NKIRAS1: variants seen among roughly 807,000 people sequenced by gnomAD.
NKIRAS1 encodes the protein NFKB inhibitor interacting Ras like 1, also known as NF-kappa-B inhibitor-interacting Ras-like protein 1.
In NKIRAS1, 16 loss-of-function variants were observed where a neutral mutation model predicts 19.8. The ratio of observed to expected loss-of-function variants is 0.81; its 90% confidence interval spans 0.55 to 1.23. NKIRAS1 has a LOEUF of 1.23. Among genes scored for constraint, NKIRAS1 ranks in the 50% most tolerant of loss-of-function variants. The pLI is 0.00. For synonymous variants in NKIRAS1, 88 were observed against 79.0 expected (o/e 1.11, Z -0.61); for missense variants, 184 against 220.0 (o/e 0.84, Z 1.04).
chr3:23,896,671 GA>G (rs564759330), intron 4 of NKIRAS1, among the ~76,000 whole-genome samples: 2,229 of 146,940 alleles, frequency 0.015, 27 homozygotes, highest in South Asian at 0.048. Context: ...TAGTTACCAA[GA>G]AAAAAAAACA....
chr3:23,946,088 T>C, intron 1 of NKIRAS1: 1 of 984,280 alleles, frequency 1.0e-6, no homozygotes, highest in Non-Finnish European at 1.2e-6. Flanking sequence ...TCCGCCCCTT[T>C]GGAAGCCTCG....
chr3:23,925,573 G>GCT (rs954720209), intron 1 of NKIRAS1, among the ~76,000 whole-genome samples: 1 of 152,136 alleles, frequency 6.6e-6, no homozygotes, highest in African/African-American at 2.4e-5. Flanking sequence ...AGTTGAAGCT[G>GCT]CGGTGAGCCA....
chr3:23,910,209 G>A (rs920531429), intron 3 of NKIRAS1, among the ~76,000 whole-genome samples: 6 of 144,934 alleles, frequency 4.1e-5, no homozygotes, highest in Non-Finnish European at 7.4e-5. Context: ...CCAGGCTGGA[G>A]TGTAGTAACA....
At chr3:23,929,483 G>C (rs907138502) in intron 1 of NKIRAS1, among the ~76,000 whole-genome samples, 1 of 152,192 alleles carries the variant, frequency 6.6e-6, no homozygotes, top group African/African-American at 2.4e-5. Context: ...CTGGAGAGCA[G>C]TGGCGTGATC....
At chr3:23,942,577 A>G (rs1705521688) in intron 1 of NKIRAS1, among the ~76,000 whole-genome samples, 2 of 151,936 alleles carry the variant, frequency 1.3e-5, no homozygotes, top group African/African-American at 4.8e-5. Context: ...GATTACAGGC[A>G]TGTGCCACCA....
chr3:23,931,151 G>A (rs1255272572), intron 1 of NKIRAS1, among the ~76,000 whole-genome samples: 1 of 152,086 alleles, frequency 6.6e-6, no homozygotes, highest in African/African-American at 2.4e-5. Context: ...CTCTAATACC[G>A]TAAACAGTGT....
At chr3:23,896,217 G>GCCTTAAAAC (rs1378414878) in intron 4 of NKIRAS1, among the ~76,000 whole-genome samples, 2 of 150,238 alleles carry the variant, frequency 1.3e-5, no homozygotes, top group Non-Finnish European at 3.0e-5. Context: ...CATTTGCTCT[G>GCCTTAAAAC]CCTTAAAACC....
At chr3:23,920,577 T>C, upstream of NKIRAS1, 3 of 985,294 alleles carry the variant, frequency 3.0e-6, no homozygotes, top group Non-Finnish European at 3.6e-6. Flanking sequence ...AATTTGAGTG[T>C]AAAGAAAATG....
rs1701556434 is a variant in NKIRAS1, at chr3:23,892,669, T to TA, written c.*425dup. On this transcript the variant is annotated 3_prime_UTR_variant, in exon 5 of 5. Coordinates refer to ENST00000425478, the MANE Select transcript of NKIRAS1 (RefSeq NM_020345.4). ...AAAAATGTTTTATAATCCTAGACATTAGATTAATGAACTTTTTAAAAACAA... is the reference window on the plus strand; with the variant it reads ...AAAAATGTTTTATAATCCTAGACATTAAGATTAATGAACTTTTTAAAAACAA... 6.5e-6 allele frequency: 1 copy of TA among 152,864 alleles called. No homozygotes were observed. Among genetic ancestry groups the TA allele is most frequent in the Non-Finnish European group, 1.5e-5 (1 of 68,556 alleles). The allele number at this position is 152,864 out of a possible 1,614,324, so 9.5% of individuals were successfully genotyped here.
At chr3:23,928,999 T>TA (rs539612913) in intron 1 of NKIRAS1, among the ~76,000 whole-genome samples, 3,157 of 122,492 alleles carry the variant, frequency 0.026, 130 homozygotes, top group African/African-American at 0.083. Flanking sequence ...TCCATCTCTT[T>TA]AAAAAAAAAA....
At chr3:23,929,012 A>AG (rs1259478386) in intron 1 of NKIRAS1, among the ~76,000 whole-genome samples, 1 of 88,306 alleles carries the variant, frequency 1.1e-5, no homozygotes, top group African/African-American at 3.4e-5. Context: ...AAAAAAAAAA[A>AG]AGAAAAGAAA....
intron 1 of NKIRAS1, among the ~76,000 whole-genome samples, chr3:23,945,833 C>CA (rs1259836693): frequency 6.6e-6 from 1 of 150,778 alleles, no homozygotes; most frequent in East Asian, 2.0e-4. Context: ...CGGCCCCCCC[C>CA]TCACATGGCC....
intron 1 of NKIRAS1, among the ~76,000 whole-genome samples, chr3:23,928,786 G>A (rs1469926877): frequency 1.3e-5 from 2 of 150,900 alleles, no homozygotes; most frequent in African/African-American, 4.9e-5. Context: ...GAGCTCAGGA[G>A]TACAAGACCT....
intron 1 of NKIRAS1, among the ~76,000 whole-genome samples, chr3:23,912,340 A>G (rs1703828768): frequency 6.6e-6 from 1 of 152,194 alleles, no homozygotes; most frequent in Non-Finnish European, 1.5e-5. Flanking sequence ...AAAAAAATTT[A>G]TAAGAAAAAA....
intron 4 of NKIRAS1, among the ~76,000 whole-genome samples, chr3:23,894,437 CTCCAGTTT>C (rs921817042): frequency 3.9e-5 from 6 of 152,178 alleles, no homozygotes; most frequent in African/African-American, 1.4e-4. Context: ...TGGGCCAGAG[CTCCAGTTT>C]TCTAGGGGAA....
intron 3 of NKIRAS1, among the ~76,000 whole-genome samples, chr3:23,905,678 A>C (rs1215372757): frequency 6.6e-6 from 1 of 152,134 alleles, no homozygotes; most frequent in Admixed American, 6.6e-5. Flanking sequence ...TCAATTCGGA[A>C]GCCCCAGGGT....
intron 4 of NKIRAS1, among the ~76,000 whole-genome samples, chr3:23,895,158 C>A (rs62255317): frequency 0.31 from 46,725 of 151,982 alleles, 8,148 homozygotes; most frequent in Middle Eastern, 0.46. Flanking sequence ...GATCGTGATC[C>A]TCCTCCTCAG....
chr3:23,922,266 AC>A lies in NKIRAS1; in HGVS notation c.-139-10817del, dbSNP rs1467535920. Reference sequence around the variant, plus strand: ...TCTCAAAAATAACAATTGGTTTCTTACAATCCCAAAAGGTGCAGTTACTAGT... The same window carrying A: ...TCTCAAAAATAACAATTGGTTTCTTAAATCCCAAAAGGTGCAGTTACTAGT... On this transcript the variant is annotated intron_variant, in intron 1 of 4. Transcript: ENST00000421515. This position sits in a 1 kb window ranked among gnomAD's most constrained non-coding sequence, Gnocchi z 4.2. 6.6e-6 allele frequency: 1 copy of A among 152,262 alleles called. No homozygotes were observed. Among genetic ancestry groups the A allele is most frequent in the Admixed American group, 6.5e-5 (1 of 15,294 alleles). The allele number at this position is 152,262 out of a possible 1,614,324, so 9.4% of individuals were successfully genotyped here.
Position 23,890,507 on chromosome 3 carries a change from A to G in NKIRAS1, c.*2588T>C. ...AAAGTAATCTACATTCTTTTCTTCC[A>G]GCCGACCCCTTGGTGGGAAGTATTG... On this transcript the variant is annotated 3_prime_UTR_variant, in exon 5 of 5. Coordinates refer to ENST00000425478, the MANE Select transcript of NKIRAS1 (RefSeq NM_020345.4). 6.2e-7 allele frequency: 1 copy of G among 1,610,462 alleles called. No homozygotes were observed. Among genetic ancestry groups the G allele is most frequent in the Non-Finnish European group, 8.5e-7 (1 of 1,178,724 alleles).
Sources: allele counts gnomAD v4.1 joint callset (sites outside exome capture counted in the v4.1 genomes callset), GRCh38; gene constraint gnomAD v4.1.1; non-coding constraint Gnocchi (gnomAD v3.1); transcripts MANE v1.5; gene names NCBI Gene and HGNC (gene_info 2026-07-23, HGNC 2026-07-21).